NPAT: variants seen among roughly 807,000 people sequenced by gnomAD.
NPAT encodes protein NPAT.
NPAT carries 52 observed loss-of-function variants against 130.7 expected under a neutral mutation model. The observed-to-expected ratio is 0.40, with a 90% CI of 0.32 to 0.50. The LOEUF is 0.50. Among genes scored for constraint, NPAT ranks in the 20% least tolerant of loss-of-function variants. The pLI is 0.68. For missense variants in NPAT, 1,687 were observed against 1,662.6 expected (o/e 1.01, Z -0.26); for synonymous variants, 580 against 584.8 (o/e 0.99, Z 0.12).
rs558728198 is a variant in NPAT at position 108,161,342 on chromosome 11, C to G, written c.3744G>C (p.Gln1248His). The G allele has an allele frequency of 8.7e-6, 14 of 1,614,184 alleles. No individual in the cohort carries two copies. The South Asian group carries it at 1.5e-4, about 18-fold the overall frequency. ...TTACTGAGCTGTGCCTCTGTATATCCTGTAACATTTCTGTGGTAATCAAAG... is the reference window on the plus strand; with the variant it reads ...TTACTGAGCTGTGCCTCTGTATATCGTGTAACATTTCTGTGGTAATCAAAG... ...ASSLITTEMLQDIQRHSSVSR... is the reference protein window; with the variant it reads ...ASSLITTEMLHDIQRHSSVSR... The change falls in exon 17 of 18, where the codon CAG becomes CAC. Residue 1248 changes from glutamine to histidine, a missense_variant. Physicochemically the swap from Gln to His is conservative, Grantham distance 24. Transcript: ENST00000278612.
intron 1 of NPAT, among the ~76,000 whole-genome samples, chr11:108,205,642 T>G (rs1368398802): frequency 2.0e-5 from 3 of 152,122 alleles, no homozygotes; most frequent in African/African-American, 4.8e-5. Context: ...AATAAACAAC[T>G]AAAAGAATTA....
intron 3 of NPAT, 84 bp downstream of exon 3, chr11:108,193,873 T>C: frequency 1.1e-6 from 1 of 869,814 alleles, no homozygotes; most frequent in Non-Finnish European, 1.9e-6. Context: ...GAGACATTAA[T>C]AACCTTTAGA....
intron 11 of NPAT, 152 bp from the exon 12 acceptor site, chr11:108,176,526 T>A: frequency 1.6e-6 from 1 of 642,832 alleles, no homozygotes; most frequent in Non-Finnish European, 2.7e-6. Flanking sequence ...CATTTACAAG[T>A]ACAAAGATTT....
chr11:108,188,534 A>G (rs1353594259), intron 6 of NPAT, among the ~76,000 whole-genome samples: 1 of 152,218 alleles, frequency 6.6e-6, no homozygotes, highest in Non-Finnish European at 1.5e-5. Context: ...GCACAGAAAG[A>G]TAATTGGTTT....
At chr11:108,200,758 AG>A (rs2078268820) in intron 1 of NPAT, among the ~76,000 whole-genome samples, 1 of 152,206 alleles carries the variant, frequency 6.6e-6, no homozygotes, top group African/African-American at 2.4e-5. Flanking sequence ...GACTGGTCCA[AG>A]ACCTCTGCCT....
At chr11:108,217,306 T>G (rs1422648613) in intron 1 of NPAT, among the ~76,000 whole-genome samples, 1 of 152,204 alleles carries the variant, frequency 6.6e-6, no homozygotes, top group African/African-American at 2.4e-5. Context: ...ACTGGGTAAG[T>G]AATTATCTTG....
chr11:108,193,764 AC>A (rs781524020), intron 3 of NPAT, among the ~76,000 whole-genome samples, 192 bp downstream of exon 3: 2 of 152,038 alleles, frequency 1.3e-5, no homozygotes, highest in East Asian at 1.9e-4. Context: ...AACCAAAAAA[AC>A]AAAACAAAAC....
At position 108,161,452 on chromosome 11, in the gene NPAT, C is replaced by T. The variant is rs2077848239; in HGVS notation, c.3634G>A (p.Gly1212Ser). 1 of 1,614,034 alleles carries T rather than the reference C, an allele frequency of 6.2e-7. No homozygotes were observed. Residue 1212 changes from glycine to serine, a missense_variant, in exon 17 of 18, where the codon GGC becomes AGC. Around this residue, in one of 3 missense-constraint regions of NPAT, gnomAD observed 1,379 missense variants for 1,346.6 expected, o/e 1.02. Transcript: ENST00000278612. ...ACATTTTTATTGTTTGAAGATGTGC[C>T]TTGTTTTTTGGTCATTTCTTGCAGT... ...ASLQEMTKKQGTSSNNKNVLS... is the reference protein window; with the variant it reads ...ASLQEMTKKQSTSSNNKNVLS...
intron 1 of NPAT, among the ~76,000 whole-genome samples, chr11:108,213,184 A>G (rs2078400742): frequency 6.6e-6 from 1 of 151,882 alleles, no homozygotes; most frequent in South Asian, 2.1e-4. Context: ...GAGGCAGGAG[A>G]ATCGCTTGAA....
At chr11:108,204,962 C>T (rs1031856902) in intron 1 of NPAT, among the ~76,000 whole-genome samples, 5 of 151,478 alleles carry the variant, frequency 3.3e-5, no homozygotes, top group Admixed American at 1.3e-4. Flanking sequence ...TGTCTAGAAA[C>T]GTGCAAATTT....
chr11:108,196,337 G>A (rs752206977), intron 2 of NPAT, among the ~76,000 whole-genome samples: 16 of 152,134 alleles, frequency 1.1e-4, no homozygotes, highest in Non-Finnish European at 1.8e-4. Flanking sequence ...CCTTCATCTC[G>A]ATTATCATAG....
chr11:108,168,123 T>C (rs1033165055), intron 15 of NPAT, among the ~76,000 whole-genome samples: 1 of 152,150 alleles, frequency 6.6e-6, no homozygotes, highest in African/African-American at 2.4e-5. Flanking sequence ...AATTTTCTTC[T>C]CTATGACTCA....
chr11:108,207,385 T>C (rs1269569092), intron 1 of NPAT, among the ~76,000 whole-genome samples: 1 of 152,212 alleles, frequency 6.6e-6, no homozygotes, highest in Non-Finnish European at 1.5e-5. Context: ...GCCTGCCCCT[T>C]TCCACCTAGG....
At chr11:108,207,867 C>A (rs1462300126) in intron 1 of NPAT, among the ~76,000 whole-genome samples, 1 of 152,242 alleles carries the variant, frequency 6.6e-6, no homozygotes, top group African/African-American at 2.4e-5. Flanking sequence ...GAGCACACAG[C>A]CCTGGCCACA....
intron 10 of NPAT, among the ~76,000 whole-genome samples, chr11:108,177,528 T>A (rs748030085): frequency 3.9e-5 from 6 of 152,114 alleles, no homozygotes; most frequent in African/African-American, 7.2e-5. Context: ...TTTTATGTAG[T>A]AGCATTCCCC....
chr11:108,190,381 G>A lies in NPAT; in HGVS notation c.331+79C>T, dbSNP rs2078157554. ...TAAGGAAAATATATACTTAGCACAT[G>A]TGTACAATGAATTAAAATGTTCATC... On this transcript the variant is annotated intron_variant, in intron 5 of 17. Coordinates refer to ENST00000278612, the MANE Select transcript of NPAT (RefSeq NM_002519.3). 39 of 867,190 alleles carry A rather than the reference G, an allele frequency of 4.5e-5. 1 individual carries two copies. The South Asian group carries it at 5.2e-4, about 12-fold the overall frequency. The allele number at this position is 867,190 out of a possible 1,614,324, so 53.7% of individuals were successfully genotyped here.
At chr11:108,160,343 C>T (rs943458474) in intron 17 of NPAT, among the ~76,000 whole-genome samples, 11 of 151,612 alleles carry the variant, frequency 7.3e-5, no homozygotes, top group Middle Eastern at 3.4e-3. Flanking sequence ...GAAAAACATA[C>T]GTAAATTTGA....
At chr11:108,199,037 A>T (rs901943409) in intron 1 of NPAT, among the ~76,000 whole-genome samples, 1 of 152,196 alleles carries the variant, frequency 6.6e-6, no homozygotes, top group Admixed American at 6.5e-5. Context: ...ACTGAAGCAG[A>T]CTGAAGCAGG....
intron 1 of NPAT, among the ~76,000 whole-genome samples, chr11:108,205,014 T>C (rs1344170849): frequency 1.3e-5 from 2 of 152,174 alleles, no homozygotes; most frequent in Non-Finnish European, 2.9e-5. Context: ...CTCAACAGTC[T>C]CTAAGTAGGA....
Sources: gnomAD v4.1 joint callset for allele counts (sites outside exome capture counted in the v4.1 genomes callset) on GRCh38, gnomAD v4.1.1 for gene constraint, gnomAD v4.1.1 regional missense constraint, MANE v1.5 for transcripts, NCBI Gene and HGNC (gene_info 2026-07-23, HGNC 2026-07-21) for gene names.